MIB1: variants seen among roughly 807,000 people sequenced by gnomAD.
The protein encoded by MIB1 is MIB E3 ubiquitin protein ligase 1, also known as E3 ubiquitin-protein ligase MIB1.
MIB1 carries 278 observed loss-of-function variants against 124.5 expected under a neutral mutation model. That is an observed-to-expected ratio of 2.23 (90% CI 2.02 to 2.47). The LOEUF (loss-of-function observed/expected upper bound fraction) is 2.47, where lower values mean the gene tolerates loss of function less well. Ranked by LOEUF, MIB1 falls within the 30% of genes most tolerant of loss-of-function variation. The pLI is 0.00. For missense variants in MIB1, 957 were observed against 1,254.4 expected (o/e 0.76, Z 3.58); for synonymous variants, 446 against 429.4 (o/e 1.04, Z -0.48).
intron 1 of MIB1, among the ~76,000 whole-genome samples, chr18:21,757,645 C>T (rs2041049657): frequency 6.6e-6 from 1 of 151,128 alleles, no homozygotes; most frequent in East Asian, 2.0e-4. Flanking sequence ...CCACCACGCC[C>T]GGCTGCTTTT....
intron 15 of MIB1, among the ~76,000 whole-genome samples, chr18:21,846,580 G>T (rs2042136186): frequency 6.6e-6 from 1 of 152,114 alleles, no homozygotes; most frequent in Non-Finnish European, 1.5e-5. Flanking sequence ...AATTAATTAG[G>T]AAAGAGAGTA....
chr18:21,834,693 C>G (rs989560555), intron 12 of MIB1, among the ~76,000 whole-genome samples: 1 of 152,116 alleles, frequency 6.6e-6, no homozygotes, highest in Non-Finnish European at 1.5e-5. Context: ...CACAATATCC[C>G]ATTAGTACTC....
At position 21,832,539 on chromosome 18, in the gene MIB1, C is replaced by T. The variant is rs148247066; in HGVS notation, c.1830-5826C>T. Among the ~76,000 whole-genome samples the T allele has an allele frequency of 1.2e-3, 186 of 152,192 alleles. 2 individuals are homozygous for T. The highest frequency in any genetic ancestry group is 4.3e-4 in the Non-Finnish European group (29 of 67,994). ...AACCTGTGGAGATATAGTTTAAGAT[C>T]TCACATAAAAATGCAGAAGAGAAAC... On this transcript the variant is annotated intron_variant, in intron 12 of 20. Transcript: ENST00000261537.
At chr18:21,837,482 T>A (rs529690830) in intron 12 of MIB1, among the ~76,000 whole-genome samples, 2 of 152,340 alleles carry the variant, frequency 1.3e-5, no homozygotes, top group African/African-American at 4.8e-5. Flanking sequence ...CACTCCAGCC[T>A]GGTCGACAGA....
chr18:21,740,655 C>G (rs1049613754), upstream of MIB1, among the ~76,000 whole-genome samples: 11 of 152,214 alleles, frequency 7.2e-5, no homozygotes, highest in African/African-American at 2.7e-4. Context: ...TAACCGCTTT[C>G]CTCATAGCTC....
chr18:21,765,702 T>TC, intron 1 of MIB1, 70 bp from the exon 2 acceptor site: 3 of 1,449,682 alleles, frequency 2.1e-6, no homozygotes, highest in South Asian at 1.3e-5. Flanking sequence ...CTTATTTTTT[T>TC]CCCCCAAGGA....
chr18:21,749,960 T>C (rs983464383), intron 1 of MIB1, among the ~76,000 whole-genome samples: 1 of 152,018 alleles, frequency 6.6e-6, no homozygotes, highest in African/African-American at 2.4e-5. Context: ...ACTTTTTAAC[T>C]TTCCAGTTTT....
chr18:21,709,819 T>C lies in MIB1; in HGVS notation n.167+4696T>C, dbSNP rs117206627. ...ATCAGAAAAGACTTCCTGACAGAGA[T>C]GTGAGCAAAGACCTAGATAAGAAGA... is the stretch of plus-strand genomic sequence containing the variant. On this transcript the variant is annotated intron_variant and non_coding_transcript_variant, in intron 1 of 20. Coordinates refer to the MIB1 transcript ENST00000578646. 7.4e-4 allele frequency among the ~76,000 whole-genome samples: 113 copies of C among 152,266 alleles called. 1 individual carries two copies. The East Asian group carries it at 0.018, about 24-fold the overall frequency.
At chr18:21,863,768 G>A (rs2042296931) in intron 20 of MIB1, among the ~76,000 whole-genome samples, 1 of 152,118 alleles carries the variant, frequency 6.6e-6, no homozygotes, top group South Asian at 2.1e-4. Context: ...CACTTTGGGA[G>A]GCTGAGGTGG....
At chr18:21,774,810 A>ATATT (rs1469247456) in intron 4 of MIB1, among the ~76,000 whole-genome samples, 6 of 149,580 alleles carry the variant, frequency 4.0e-5, no homozygotes, top group East Asian at 2.0e-4. Context: ...TTTATTTTTT[A>ATATT]TATTTATTTA....
In MIB1 at chr18:21,864,755, A is replaced by G; in HGVS notation, c.*89A>G. 1 of 954,154 alleles carries G rather than the reference A, an allele frequency of 1.0e-6. No individual in the cohort carries two copies. 59.1% of individuals were successfully genotyped at this position (954,154 alleles called of 1,614,324 possible). A position where few individuals can be genotyped will look rare whatever the true frequency, so the allele number is the denominator to read the frequency against. Reference sequence around the variant, plus strand: ...ATCTAGTTGGAAGTTCTGATGAGTTAATTTCTAATATCATAGTTTCTTTAC... The same window carrying G: ...ATCTAGTTGGAAGTTCTGATGAGTTGATTTCTAATATCATAGTTTCTTTAC... On this transcript the variant is annotated 3_prime_UTR_variant, in exon 21 of 21. Transcript: ENST00000261537.
Position 21,741,693 on chromosome 18 carries a change from G to A in MIB1, c.110G>A (p.Gly37Asp), listed in dbSNP as rs765380138. ...GKQDGGEGHV[G>D]TVRSFESPEE... Reference sequence around the variant, plus strand: ...CAGGACGGCGGCGAGGGCCATGTGGGCACCGTCCGGAGCTTCGAGAGCCCC... The same window carrying A: ...CAGGACGGCGGCGAGGGCCATGTGGACACCGTCCGGAGCTTCGAGAGCCCC... Residue 37 changes from glycine (G) to aspartate (D), a missense_variant, in exon 1 of 21, where the codon GGC (glycine) becomes GAC (aspartate). By Grantham distance (94) the Gly-to-Asp change is moderately conservative. Coordinates refer to ENST00000261537, the MANE Select transcript of MIB1 (RefSeq NM_020774.4). This position sits in a 1 kb window ranked among gnomAD's most constrained non-coding sequence, Gnocchi z 5.4. 2 of 1,611,412 alleles carry A rather than the reference G, an allele frequency of 1.2e-6. No homozygotes were observed. Among genetic ancestry groups the A allele is most frequent in the Non-Finnish European group, 8.5e-7 (1 of 1,179,356 alleles).
intron 6 of MIB1, among the ~76,000 whole-genome samples, chr18:21,790,143 A>G (rs2041485309): frequency 6.6e-6 from 1 of 152,238 alleles, no homozygotes; most frequent in South Asian, 2.1e-4. Flanking sequence ...TAATATTTTT[A>G]TCCATTAAAT....
At chr18:21,735,222 G>A (rs920264857) in intron 1 of MIB1, among the ~76,000 whole-genome samples, 1 of 152,174 alleles carries the variant, frequency 6.6e-6, no homozygotes, top group African/African-American at 2.4e-5. Flanking sequence ...GACAGTGGGT[G>A]CAGCCCACGG....
Position 21,819,551 on chromosome 18 carries a change from C to T in MIB1, c.1734C>T (p.Ile578=). ...CAATAAGTAAGAAACGTGATGATAT[C>T]CTAGCAGTTCTTTTGGAAGCTGGAG... ...HDAISKKRDD[I]LAVLLEAGAD... The change falls in exon 12 of 21, where the codon ATC becomes ATT. Residue 578 remains isoleucine (I), a synonymous_variant. Transcript: ENST00000261537. 11 of 1,610,530 alleles carry T rather than the reference C, an allele frequency of 6.8e-6. No individual in the cohort carries two copies. The highest frequency in any genetic ancestry group is 8.5e-6 in the Non-Finnish European group (10 of 1,177,144).
In MIB1 at chr18:21,824,774, C is replaced by T. The variant is rs187331308; in HGVS notation, c.1829+5128C>T. 2.1e-4 allele frequency among the ~76,000 whole-genome samples: 31 copies of T among 149,732 alleles called. No homozygotes were observed. In the East Asian group the frequency reaches 4.5e-3, roughly 22 times the overall value. ...TGGGTCTTTAAACTACTCTTGTCTT[C>T]AGTAATCTTCATTAATTGCTGAAAT... is the stretch of plus-strand genomic sequence containing the variant. On this transcript the variant is annotated intron_variant, in intron 12 of 20. Coordinates refer to ENST00000261537, the MANE Select transcript of MIB1 (RefSeq NM_020774.4).
Position 21,819,542 on chromosome 18 carries a change from T to C in MIB1, c.1725T>C (p.Arg575=), listed in dbSNP as rs767220172. The C allele has an allele frequency of 1.6e-5, 26 of 1,611,004 alleles. No individual in the cohort carries two copies. The South Asian group carries it at 2.9e-4, about 18-fold the overall frequency. The change falls in exon 12 of 21, where the codon CGT becomes CGC. Residue 575 remains arginine, a synonymous_variant. Coordinates refer to ENST00000261537, the MANE Select transcript of MIB1 (RefSeq NM_020774.4). Reference sequence around the variant, plus strand: ...TTCATGATGCAATAAGTAAGAAACGTGATGATATCCTAGCAGTTCTTTTGG... The same window carrying C: ...TTCATGATGCAATAAGTAAGAAACGCGATGATATCCTAGCAGTTCTTTTGG... The part of the protein sequence containing the change: ...TPLHDAISKK[R]DDILAVLLEA...
chr18:21,743,512 A>T (rs1041988704), intron 1 of MIB1, among the ~76,000 whole-genome samples: 6 of 152,266 alleles, frequency 3.9e-5, no homozygotes, highest in Non-Finnish European at 2.9e-5. Flanking sequence ...GAATTGCTGC[A>T]TCAAAACATT....
intron 9 of MIB1, among the ~76,000 whole-genome samples, chr18:21,802,114 T>C (rs1365311148): frequency 6.6e-6 from 1 of 152,166 alleles, no homozygotes; most frequent in African/African-American, 2.4e-5. Context: ...TAGAATAATT[T>C]CAGAATTACT....
Sources: allele counts gnomAD v4.1 joint callset (sites outside exome capture counted in the v4.1 genomes callset), GRCh38; gene constraint gnomAD v4.1.1; non-coding constraint Gnocchi (gnomAD v3.1); transcripts MANE v1.5; gene names NCBI Gene and HGNC (gene_info 2026-07-23, HGNC 2026-07-21).